TNKS: variants seen among roughly 807,000 people sequenced by gnomAD.
TNKS encodes poly [ADP-ribose] polymerase tankyrase-1.
TNKS carries 72 observed loss-of-function variants against 135.8 expected under a neutral mutation model. The observed-to-expected ratio is 0.53, with a 90% CI of 0.44 to 0.64. The LOEUF is 0.64. Among genes scored for constraint, TNKS ranks in the 30% least tolerant of loss-of-function variants. TNKS has a pLI of 0.00. For synonymous variants in TNKS, 849 were observed against 649.3 expected, an observed-to-expected ratio of 1.31 and a Z score of -4.68; for missense variants, 1,769 against 1,674.0, an observed-to-expected ratio of 1.06 and a Z score of -0.99.
chr8:9,628,454 T>A (rs1800152049), intron 3 of TNKS, among the ~76,000 whole-genome samples: 1 of 152,180 alleles, frequency 6.6e-6, no homozygotes, highest in Non-Finnish European at 1.5e-5. Context: ...TTCAACAAAA[T>A]TTATTACAAC....
chr8:9,741,657 C>T (rs756050242), intron 17 of TNKS: 2 of 493,390 alleles, frequency 4.1e-6, no homozygotes, highest in Non-Finnish European at 8.7e-6. Context: ...TTTTGATCCC[C>T]ATCAGTTAAG....
chr8:9,556,711 C>T (rs1171311435), intron 1 of TNKS, 99 bp downstream of exon 1: 4 of 1,409,380 alleles, frequency 2.8e-6, no homozygotes, highest in African/African-American at 1.4e-5. Context: ...AAAGTGGGGG[C>T]GTGGTTATGG....
At chr8:9,719,336 A>G (rs1050905542) in intron 11 of TNKS, among the ~76,000 whole-genome samples, 17 of 152,246 alleles carry the variant, frequency 1.1e-4, no homozygotes, top group South Asian at 4.2e-4. Flanking sequence ...AATATTTTCA[A>G]TAATCAACCA....
chr8:9,686,869 A>C, intron 5 of TNKS, among the ~76,000 whole-genome samples: 1 of 18,874 alleles, frequency 5.3e-5, no homozygotes, highest in Non-Finnish European at 1.5e-4. Context: ...TTTTTAGCCT[A>C]AAAAAAATGA....
intron 1 of TNKS, among the ~76,000 whole-genome samples, chr8:9,577,115 T>A (rs1206926917): frequency 7.7e-6 from 1 of 130,054 alleles, no homozygotes; most frequent in Non-Finnish European, 1.6e-5. Flanking sequence ...TAACAATTCA[T>A]TTTTTTTTTT....
At position 9,780,115 on chromosome 8, in the gene TNKS, A is replaced by C. The variant is rs1210163342; in HGVS notation, c.*3379A>C. ...ATTTTGATATATGCCGGAGAACGGC[A>C]TTAGAATGCAATAAGTTGTCTAGGT... On this transcript the variant is annotated 3_prime_UTR_variant, in exon 27 of 27. Coordinates refer to ENST00000310430, the MANE Select transcript of TNKS (RefSeq NM_003747.3). 1 of 152,236 alleles carries C rather than the reference A, an allele frequency of 6.6e-6. No individual in the cohort carries two copies. The highest frequency in any genetic ancestry group is 2.4e-5 in the African/African-American group (1 of 41,462). The allele number at this position is 152,236 out of a possible 1,614,324, so 9.4% of individuals were successfully genotyped here.
chr8:9,709,999 A>T lies in TNKS; in HGVS notation c.1623A>T (p.Thr541=). Residue 541 remains threonine, a synonymous_variant, in exon 10 of 27, where the codon ACA becomes ACT. Transcript: ENST00000310430. ...ASLHPKRKQV[T]ELLLRKGANV... Reference sequence around the variant, plus strand: ...TGCATCCCAAACGTAAACAAGTGACAGAATTGTTACTTAGAAAAGGAGCAA... The same window carrying T: ...TGCATCCCAAACGTAAACAAGTGACTGAATTGTTACTTAGAAAAGGAGCAA... 1 of 1,614,158 alleles carries T rather than the reference A, an allele frequency of 6.2e-7. No individual in the cohort carries two copies. Among genetic ancestry groups the T allele is most frequent in the Non-Finnish European group, 8.5e-7 (1 of 1,180,030 alleles).
rs200532914 is a variant in TNKS, at chr8:9,778,145, A to T, written c.*1409A>T. The T allele has an allele frequency of 1.2e-3, 7 of 5,726 alleles. No homozygotes were observed. The African/African-American group carries it at 0.02, about 17-fold the overall frequency. 0.4% of individuals were successfully genotyped at this position (5,726 alleles called of 1,614,324 possible). On this transcript the variant is annotated 3_prime_UTR_variant, in exon 27 of 27. Coordinates refer to ENST00000310430, the MANE Select transcript of TNKS (RefSeq NM_003747.3). ...TTTACCAAGTGCCATTGACATTTAT[A>T]AAAAAAAATGATCCTTTATAGTTCT...
intron 1 of TNKS, among the ~76,000 whole-genome samples, chr8:9,564,614 A>T (rs1271921160): frequency 2.6e-5 from 4 of 152,216 alleles, no homozygotes; most frequent in Admixed American, 2.0e-4. Flanking sequence ...ATTGCAGTAG[A>T]TAAAATTGAA....
chr8:9,666,968 G>C (rs1404403736), intron 3 of TNKS, among the ~76,000 whole-genome samples: 2 of 152,114 alleles, frequency 1.3e-5, no homozygotes, highest in Non-Finnish European at 2.9e-5. Flanking sequence ...AAATTAAAAT[G>C]CTAAATTAGC....
chr8:9,562,981 T>A (rs1048978068), intron 1 of TNKS, among the ~76,000 whole-genome samples: 5 of 152,144 alleles, frequency 3.3e-5, no homozygotes, highest in African/African-American at 1.2e-4. Flanking sequence ...TTCAGAAAAG[T>A]TTCTCAAATT....
At chr8:9,698,135 C>T (rs772538332) in intron 5 of TNKS, among the ~76,000 whole-genome samples, 2 of 152,038 alleles carry the variant, frequency 1.3e-5, no homozygotes, top group African/African-American at 2.4e-5. Context: ...TTAACCTAAA[C>T]GAATTAATGT....
intron 2 of TNKS, among the ~76,000 whole-genome samples, chr8:9,587,158 A>C (rs144935650): frequency 6.6e-6 from 1 of 152,128 alleles, no homozygotes; most frequent in African/African-American, 2.4e-5. Flanking sequence ...GAAGATTATC[A>C]TGGATTGTCT....
chr8:9,670,192 A>G (rs1309794618), intron 3 of TNKS: 1 of 152,224 alleles, frequency 6.6e-6, no homozygotes, highest in Non-Finnish European at 1.5e-5. Flanking sequence ...TATGGAGGAC[A>G]CTTTGTAAGT....
intron 3 of TNKS, among the ~76,000 whole-genome samples, chr8:9,635,253 G>T (rs1375972644): frequency 6.6e-6 from 1 of 152,150 alleles, no homozygotes; most frequent in Non-Finnish European, 1.5e-5. Flanking sequence ...CATCCTGAAG[G>T]GGCTCCCAAT....
chr8:9,697,039 A>G (rs1263785417), intron 5 of TNKS, among the ~76,000 whole-genome samples: 2 of 152,166 alleles, frequency 1.3e-5, no homozygotes, highest in African/African-American at 2.4e-5. Context: ...ACACTACCCA[A>G]ATTCAAACTA....
At position 9,774,655 on chromosome 8, in the gene TNKS, C is replaced by T. The variant is rs531602029; in HGVS notation, c.3898-1995C>T. On this transcript the variant is annotated intron_variant, in intron 26 of 26. Transcript: ENST00000310430. ...ATTGATTAATTAGTAACTTAAAGGGCACACAGAAACAATTCAGTAGCCTAA... is the reference window on the plus strand; with the variant it reads ...ATTGATTAATTAGTAACTTAAAGGGTACACAGAAACAATTCAGTAGCCTAA... Among the ~76,000 whole-genome samples, 3 of 152,158 alleles carry T rather than the reference C, an allele frequency of 2.0e-5. No individual in the cohort carries two copies. The South Asian group carries it at 6.2e-4, about 32-fold the overall frequency.
At chr8:9,580,786 C>G (rs1798135153) in intron 2 of TNKS, among the ~76,000 whole-genome samples, 1 of 151,838 alleles carries the variant, frequency 6.6e-6, no homozygotes, top group Non-Finnish European at 1.5e-5. Context: ...TATAGTAGTC[C>G]CCCCGCTTAT....
At chr8:9,751,880 A>G (rs763247351) in intron 19 of TNKS, 34 bp downstream of exon 19, 8 of 1,593,974 alleles carry the variant, frequency 5.0e-6, no homozygotes, top group Non-Finnish European at 6.0e-6. Context: ...ATTTATTTAT[A>G]CCTTTTGTTA....
Sources: gnomAD v4.1 joint callset for allele counts (sites outside exome capture counted in the v4.1 genomes callset) on GRCh38, gnomAD v4.1.1 for gene constraint, MANE v1.5 for transcripts, NCBI Gene and HGNC (gene_info 2026-07-23, HGNC 2026-07-21) for gene names.